Variants in GREB1L observed in about 807,000 individuals in gnomAD.
GREB1L encodes the protein GREB1-like protein.
In GREB1L, 17 loss-of-function variants were observed where a neutral mutation model predicts 200.8. That is an observed-to-expected ratio of 0.08 (90% confidence interval 0.06 to 0.13). The LOEUF (loss-of-function observed/expected upper bound fraction) is 0.13, where lower values mean the gene tolerates loss of function less well. Ranked by LOEUF, GREB1L falls within the 10% of genes least tolerant of loss-of-function variation. The probability of loss-of-function intolerance (pLI) is 1.00; values close to 1 mark genes in which losing one functional copy is unlikely to be tolerated. For synonymous variants in GREB1L, 789 were observed against 893.0 expected, an observed-to-expected ratio of 0.88 and a Z score of 2.08; for missense variants, 1,657 against 2,367.7, an observed-to-expected ratio of 0.70 and a Z score of 6.23.
chr18:21,408,198 T>C (rs1282206954), intron 7 of GREB1L, among the ~76,000 whole-genome samples: 1 of 152,204 alleles, frequency 6.6e-6, no homozygotes, highest in Non-Finnish European at 1.5e-5. Flanking sequence ...CATTACATAT[T>C]GTATGCATGT....
In GREB1L at chr18:21,522,841, C is replaced by CA; in HGVS notation, c.*21dup. 1 of 1,528,494 alleles carries CA rather than the reference C, an allele frequency of 6.5e-7. No homozygotes were observed. The highest frequency in any genetic ancestry group is 8.8e-7 in the Non-Finnish European group (1 of 1,135,748). The allele number at this position is 1,528,494 out of a possible 1,614,324, so 94.7% of individuals were successfully genotyped here. A position where few individuals can be genotyped will look rare whatever the true frequency, so the allele number is the denominator to read the frequency against. On this transcript the variant is annotated 3_prime_UTR_variant, in exon 33 of 33. Coordinates refer to ENST00000424526, the MANE Select transcript of GREB1L (RefSeq NM_001142966.3). ...GTATGAGCTTTTGAAGAGACCAAAA[C>CA]AGCAAAAAGATGCCTAGGTGGGATG... is the stretch of plus-strand genomic sequence containing the variant.
At chr18:21,377,530 C>G (rs1340347957) in intron 2 of GREB1L, among the ~76,000 whole-genome samples, 1 of 152,084 alleles carries the variant, frequency 6.6e-6, no homozygotes, top group African/African-American at 2.4e-5. Context: ...AATCCCAGTA[C>G]TCTGGGAGGC....
At chr18:21,517,953 T>C in intron 30 of GREB1L, 81 bp from the exon 31 acceptor site, 1 of 1,082,990 alleles carries the variant, frequency 9.2e-7, no homozygotes, top group East Asian at 2.6e-5. Flanking sequence ...TGGCGACTGT[T>C]AGGATACACT....
chr18:21,383,006 A>G (rs1386908354), intron 2 of GREB1L, among the ~76,000 whole-genome samples: 1 of 151,808 alleles, frequency 6.6e-6, no homozygotes, highest in Non-Finnish European at 1.5e-5. Flanking sequence ...TCTTGCTTTC[A>G]GAAATTTAAT....
At chr18:21,280,473 G>A (rs1448465701) in intron 1 of GREB1L, among the ~76,000 whole-genome samples, 1 of 151,188 alleles carries the variant, frequency 6.6e-6, no homozygotes, top group African/African-American at 2.4e-5. Flanking sequence ...GAACATCTTG[G>A]TTGCCTCTAG....
At chr18:21,339,005 A>C (rs559825904) in intron 1 of GREB1L, among the ~76,000 whole-genome samples, 27 of 152,292 alleles carry the variant, frequency 1.8e-4, no homozygotes, top group African/African-American at 6.3e-4. Context: ...CCTGGCCAAC[A>C]TGGCAAAACC....
intron 7 of GREB1L, among the ~76,000 whole-genome samples, chr18:21,407,729 A>T (rs2030434691): frequency 6.6e-6 from 1 of 152,224 alleles, no homozygotes; most frequent in East Asian, 1.9e-4. Context: ...TACACTTCAA[A>T]ATTTTAAGGA....
At chr18:21,331,715 G>A (rs1437194169) in intron 1 of GREB1L, among the ~76,000 whole-genome samples, 1 of 152,130 alleles carries the variant, frequency 6.6e-6, no homozygotes, top group Non-Finnish European at 1.5e-5. Flanking sequence ...TAATAATGTA[G>A]GTGATAACTT....
chr18:21,486,355 A>G (rs80099356), intron 18 of GREB1L, among the ~76,000 whole-genome samples: 1 of 144,630 alleles, frequency 6.9e-6, no homozygotes, highest in Non-Finnish European at 1.5e-5. Flanking sequence ...CTCCGTCTCA[A>G]AAAAAAAAAA....
intron 1 of GREB1L, among the ~76,000 whole-genome samples, chr18:21,318,102 C>T (rs138651191): frequency 0.041 from 3,108 of 75,878 alleles, 127 homozygotes; most frequent in African/African-American, 0.14. Flanking sequence ...AGTGAGATTC[C>T]GTCAAAAAAA....
chr18:21,361,537 A>T (rs1356928271), intron 1 of GREB1L, among the ~76,000 whole-genome samples: 1 of 152,150 alleles, frequency 6.6e-6, no homozygotes, highest in East Asian at 1.9e-4. Flanking sequence ...AATGGGAGAT[A>T]AATCACCACT....
Position 21,505,494 on chromosome 18 carries a change from T to G in GREB1L, c.4155T>G (p.Asp1385Glu). ...DIESFSKMPF[D>E]VSVHDPKYSL... The stretch of plus-strand genomic sequence containing the variant: ...AGAGCTTCAGTAAAATGCCTTTTGA[T>G]GTCAGTGTGCATGACCCCAAGTACA... The change falls in exon 24 of 33, where the codon GAT becomes GAG. Residue 1385 changes from aspartate (D) to glutamate (E), a missense_variant. Coordinates refer to ENST00000424526, the MANE Select transcript of GREB1L (RefSeq NM_001142966.3). 4 of 1,551,688 alleles carry G rather than the reference T, an allele frequency of 2.6e-6. No individual in the cohort carries two copies. Among genetic ancestry groups the G allele is most frequent in the Non-Finnish European group, 3.5e-6 (4 of 1,146,972 alleles).
intron 1 of GREB1L, among the ~76,000 whole-genome samples, chr18:21,282,643 A>G (rs1194873156): frequency 2.6e-5 from 4 of 151,650 alleles, no homozygotes; most frequent in Non-Finnish European, 5.9e-5. Flanking sequence ...TCTGTCACCC[A>G]GGATGCAGTG....
chr18:21,486,353 C>CA (rs770296447), intron 18 of GREB1L, among the ~76,000 whole-genome samples: 984 of 89,696 alleles, frequency 0.011, 14 homozygotes, highest in East Asian at 0.11. Context: ...GACTCCGTCT[C>CA]AAAAAAAAAA....
chr18:21,346,709 A>C (rs181404370), intron 1 of GREB1L, among the ~76,000 whole-genome samples: 1 of 152,334 alleles, frequency 6.6e-6, no homozygotes, highest in East Asian at 1.9e-4. Flanking sequence ...TCTTCTTGGC[A>C]TAACATTTGG....
chr18:21,383,090 T>C (rs1169072538), intron 2 of GREB1L, among the ~76,000 whole-genome samples: 1 of 152,188 alleles, frequency 6.6e-6, no homozygotes, highest in Non-Finnish European at 1.5e-5. Flanking sequence ...GTAATAGATC[T>C]TTGTAAAGAG....
chr18:21,409,457 G>A (rs1290081684), intron 7 of GREB1L, among the ~76,000 whole-genome samples: 1 of 152,148 alleles, frequency 6.6e-6, no homozygotes, highest in South Asian at 2.1e-4. Flanking sequence ...TATGGTGATG[G>A]TTACACAACT....
intron 18 of GREB1L, among the ~76,000 whole-genome samples, chr18:21,486,165 T>TAACA (rs1293882467): frequency 1.3e-5 from 2 of 152,124 alleles, no homozygotes; most frequent in African/African-American, 4.8e-5. Context: ...CCACCCTGGC[T>TAACA]AACACGGTGA....
intron 1 of GREB1L, among the ~76,000 whole-genome samples, chr18:21,362,296 A>G (rs560615878): frequency 2.6e-5 from 4 of 152,304 alleles, no homozygotes; most frequent in Admixed American, 2.0e-4. Flanking sequence ...CCTCCCCACA[A>G]GTAATTCAAT....
Sources: gnomAD v4.1 joint callset for allele counts (sites outside exome capture counted in the v4.1 genomes callset) on GRCh38, gnomAD v4.1.1 for gene constraint, MANE v1.5 for transcripts, NCBI Gene and HGNC (gene_info 2026-07-23, HGNC 2026-07-21) for gene names.